The following EXT2 variants were observed in gnomAD, a reference collection of about 807,000 sequenced individuals.
EXT2 encodes exostosin glycosyltransferase 2.
Under a neutral mutation model 81.6 loss-of-function variants are expected in EXT2, and 53 were observed. The ratio of observed to expected loss-of-function variants is 0.65; its 90% CI spans 0.52 to 0.82. The LOEUF is 0.82. Among genes scored for constraint, EXT2 ranks in the 40% least tolerant of loss-of-function variants. The pLI is 0.00. For synonymous variants in EXT2, 320 were observed against 340.0 expected (o/e 0.94, Z 0.65); for missense variants, 774 against 910.2 (o/e 0.85, Z 1.93).
intron 7 of EXT2, among the ~76,000 whole-genome samples, chr11:44,147,810 A>G (rs1221072813): frequency 8.6e-6 from 1 of 116,874 alleles, no homozygotes; most frequent in African/African-American, 3.7e-5. Context: ...TTGTTGACAT[A>G]ATTGGGACAT....
intron 10 of EXT2, 91 bp from the exon 11 acceptor site, chr11:44,232,262 A>C: frequency 6.4e-7 from 1 of 1,551,002 alleles, no homozygotes; most frequent in Non-Finnish European, 8.9e-7. Context: ...GTTTGAACCT[A>C]GGAAGTCTGT....
chr11:44,111,674 C>T (rs1016925784), intron 3 of EXT2, among the ~76,000 whole-genome samples: 15 of 152,114 alleles, frequency 9.9e-5, no homozygotes, highest in Admixed American at 6.5e-4. Context: ...TATAAAGAAG[C>T]GAGACTAGTA....
intron 7 of EXT2, among the ~76,000 whole-genome samples, chr11:44,160,367 G>A (rs958433995): frequency 3.9e-5 from 6 of 152,164 alleles, no homozygotes; most frequent in Non-Finnish European, 8.8e-5. Flanking sequence ...TCATTTGCTT[G>A]ATAAATTGGA....
At chr11:44,113,636 A>C (rs1488288886) in intron 3 of EXT2, among the ~76,000 whole-genome samples, 2 of 152,192 alleles carry the variant, frequency 1.3e-5, no homozygotes, top group Non-Finnish European at 2.9e-5. Flanking sequence ...AGGCTACATG[A>C]TTGACATGTA....
chr11:44,156,955 G>A (rs1381588217), intron 7 of EXT2, among the ~76,000 whole-genome samples: 1 of 152,224 alleles, frequency 6.6e-6, no homozygotes, highest in Non-Finnish European at 1.5e-5. Flanking sequence ...AGCACTCCAA[G>A]CCCAGTACTG....
intron 4 of EXT2, among the ~76,000 whole-genome samples, chr11:44,119,314 T>A (rs1224796586): frequency 6.6e-6 from 1 of 151,692 alleles, no homozygotes; most frequent in East Asian, 2.0e-4. Flanking sequence ...CGTCTGTGAC[T>A]TATTACGGCA....
intron 9 of EXT2, among the ~76,000 whole-genome samples, chr11:44,201,433 C>A (rs191733940): frequency 2.0e-5 from 3 of 152,144 alleles, no homozygotes; most frequent in African/African-American, 7.2e-5. Flanking sequence ...TATCTCTAGA[C>A]CTTAGGACAA....
chr11:44,147,902 C>A (rs1954742604), intron 7 of EXT2, among the ~76,000 whole-genome samples: 2 of 150,544 alleles, frequency 1.3e-5, no homozygotes, highest in Admixed American at 1.3e-4. Flanking sequence ...GCTGTGGGAT[C>A]CTCCCTATAT....
At chr11:44,161,794 C>T (rs754902375) in intron 7 of EXT2, among the ~76,000 whole-genome samples, 6 of 152,172 alleles carry the variant, frequency 3.9e-5, no homozygotes, top group Non-Finnish European at 5.9e-5. Context: ...AGCATATGTC[C>T]CCTGATGGAG....
chr11:44,151,817 C>G (rs973451720), intron 7 of EXT2, among the ~76,000 whole-genome samples: 4 of 152,196 alleles, frequency 2.6e-5, no homozygotes, highest in African/African-American at 9.7e-5. Flanking sequence ...GGCTGTACCA[C>G]TTTGCTTTCC....
chr11:44,158,619 A>G (rs566083402), intron 7 of EXT2, among the ~76,000 whole-genome samples: 1 of 150,992 alleles, frequency 6.6e-6, no homozygotes, highest in African/African-American at 2.4e-5. Context: ...TGATTTTAAT[A>G]ATATTTAAAT....
In EXT2 at chr11:44,107,886, A is replaced by G; in HGVS notation, c.174A>G (p.Val58=). ...TCGAGTCCTCAAATGACTGGAATGT[A>G]GAGAAGCGCAGCATCCGTGATGTGC... ...HSIESSNDWN[V]EKRSIRDVPV... Residue 58 remains valine, a synonymous_variant, in exon 2 of 14, where the codon GTA becomes GTG. Coordinates refer to ENST00000533608, the MANE Select transcript of EXT2 (RefSeq NM_207122.2). 6.2e-7 allele frequency: 1 copy of G among 1,614,218 alleles called. No individual in the cohort carries two copies. Among genetic ancestry groups the G allele is most frequent in the Non-Finnish European group, 8.5e-7 (1 of 1,180,036 alleles).
At chr11:44,131,752 C>T (rs1158003096) in intron 7 of EXT2, among the ~76,000 whole-genome samples, 1 of 152,112 alleles carries the variant, frequency 6.6e-6, no homozygotes, top group Admixed American at 6.5e-5. Context: ...CCTTTTCTTT[C>T]CCCGCCGAGG....
intron 1 of EXT2, among the ~76,000 whole-genome samples, chr11:44,106,918 C>T (rs552428292): frequency 1.3e-3 from 193 of 152,278 alleles, no homozygotes; most frequent in Non-Finnish European, 2.2e-3. Context: ...CGTGAGCCAC[C>T]GCACATGGCT....
intron 8 of EXT2, among the ~76,000 whole-genome samples, chr11:44,184,179 T>A (rs1329481834): frequency 6.6e-6 from 1 of 152,220 alleles, no homozygotes; most frequent in East Asian, 1.9e-4. Flanking sequence ...TGTTAAAAGC[T>A]CCCAAGGGAA....
chr11:44,251,720 T>C lies in EXT2; in HGVS notation c.*7433T>C, dbSNP rs904814799. Among the ~76,000 whole-genome samples, 6 of 152,212 alleles carry C rather than the reference T, an allele frequency of 3.9e-5. No individual in the cohort carries two copies. The highest frequency in any genetic ancestry group is 1.4e-4 in the African/African-American group (6 of 41,454). On this transcript the variant is annotated 3_prime_UTR_variant, in exon 14 of 14. Coordinates refer to ENST00000533608, the MANE Select transcript of EXT2 (RefSeq NM_207122.2). ...AAATTTTCATTTATGTTTTTAAGTC[T>C]ATTGTCTTAAAAAGATTCTTTTCCC...
At chr11:44,108,551 A>T (rs545606746) in intron 2 of EXT2, among the ~76,000 whole-genome samples, 1 of 152,190 alleles carries the variant, frequency 6.6e-6, no homozygotes, top group South Asian at 2.1e-4. Flanking sequence ...AAATCTAAAT[A>T]TGCTACCACC....
chr11:44,216,033 C>A (rs1265149321), intron 10 of EXT2, among the ~76,000 whole-genome samples: 2 of 151,980 alleles, frequency 1.3e-5, no homozygotes, highest in Non-Finnish European at 2.9e-5. Flanking sequence ...CCCGCCACCG[C>A]GCCCGGCTAA....
In EXT2 at chr11:44,250,529, A is replaced by G. The variant is rs114286130; in HGVS notation, c.*6242A>G. Among the ~76,000 whole-genome samples the G allele has an allele frequency of 5.1e-4, 78 of 152,298 alleles. 1 individual carries two copies. Among genetic ancestry groups the G allele is most frequent in the African/African-American group, 1.8e-3 (75 of 41,562 alleles). ...GGCCCCTATTTCTGCTTACCGTGTT[A>G]CCAGAGAGCCTGGGGGTCTGGATCC... On this transcript the variant is annotated 3_prime_UTR_variant, in exon 14 of 14. Coordinates refer to ENST00000533608, the MANE Select transcript of EXT2 (RefSeq NM_207122.2).
Sources: allele counts gnomAD v4.1 joint callset (sites outside exome capture counted in the v4.1 genomes callset), GRCh38; gene constraint gnomAD v4.1.1; transcripts MANE v1.5; gene names NCBI Gene and HGNC (gene_info 2026-07-23, HGNC 2026-07-21).